The following MMD2 variants were observed in gnomAD, a reference collection of about 807,000 sequenced individuals.
The protein encoded by MMD2 is monocyte to macrophage differentiation associated 2.
MMD2 carries 30 observed loss-of-function variants against 33.5 expected under a neutral mutation model. The observed-to-expected ratio is 0.90, with a 90% confidence interval of 0.67 to 1.22. The LOEUF (loss-of-function observed/expected upper bound fraction) is 1.22, where lower values mean the gene tolerates loss of function less well. MMD2 is among the 50% of genes most tolerant of loss of function. The pLI is 0.00. For missense variants in MMD2, 364 were observed against 325.4 expected (o/e 1.12, Z -0.91); for synonymous variants, 129 against 123.0 (o/e 1.05, Z -0.32).
intron 1 of MMD2, among the ~76,000 whole-genome samples, chr7:4,943,307 C>A (rs924566155): frequency 6.6e-6 from 1 of 152,034 alleles, no homozygotes. Flanking sequence ...CCGCGCCTGG[C>A]CTTTTTTCTG....
intron 3 of MMD2, among the ~76,000 whole-genome samples, chr7:4,919,701 C>A (rs1785225803): frequency 6.6e-6 from 1 of 152,170 alleles, no homozygotes; most frequent in African/African-American, 2.4e-5. Flanking sequence ...GCCTGGCCAA[C>A]ATGGCGAAAC....
chr7:4,899,504 C>T, the MMD2 span, among the ~76,000 whole-genome samples: 3 of 151,990 alleles, frequency 2.0e-5, no homozygotes, highest in East Asian at 1.9e-4. Flanking sequence ...TCTCTTGCCT[C>T]AGCCTCCCGC....
Position 4,958,884 on chromosome 7 carries a change from G to A in MMD2, c.47+87C>T, listed in dbSNP as rs1002561324. 8 of 1,160,672 alleles carry A rather than the reference G, an allele frequency of 6.9e-6. No individual in the cohort carries two copies. In the Admixed American group the frequency reaches 1.3e-4, roughly 19 times the overall value. The allele number at this position is 1,160,672 out of a possible 1,614,324, so 71.9% of individuals were successfully genotyped here. On this transcript the variant is annotated intron_variant, in intron 1 of 6. Coordinates refer to ENST00000401401, the MANE Select transcript of MMD2 (RefSeq NM_198403.4). Reference sequence around the variant, plus strand: ...ATCCCCTCTAGCGCTCCGGGCGGCGGGGCCCGAGAACCAAGGTGGCCTCCG... The same window carrying A: ...ATCCCCTCTAGCGCTCCGGGCGGCGAGGCCCGAGAACCAAGGTGGCCTCCG...
intron 1 of MMD2, among the ~76,000 whole-genome samples, chr7:4,932,605 C>T (rs1785619997): frequency 6.7e-6 from 1 of 149,510 alleles, no homozygotes; most frequent in Non-Finnish European, 1.5e-5. Context: ...AAGGCCCTGT[C>T]CCCTGTCCTC....
rs1301326701 is a variant in MMD2, at chr7:4,909,941, A to G, written c.477T>C (p.Leu159=). 6 of 1,613,800 alleles carry G rather than the reference A, an allele frequency of 3.7e-6. No individual in the cohort carries two copies. The highest frequency in any genetic ancestry group is 5.1e-6 in the Non-Finnish European group (6 of 1,179,894). Reference sequence around the variant, plus strand: ...TTACGACGTAGCAGAGAAGCTCCACAAGCTTGTACCTGGCAGGAAGACAAG... The same window carrying G: ...TTACGACGTAGCAGAGAAGCTCCACGAGCTTGTACCTGGCAGGAAGACAAG... ...YVFFFHERYK[L]VELLCYVVMG... is the part of the protein sequence containing the mutation. Residue 159 remains leucine, a synonymous_variant, in exon 6 of 7, where the codon CTT becomes CTC. Coordinates refer to ENST00000401401, the MANE Select transcript of MMD2 (RefSeq NM_198403.4).
At chr7:4,929,336 G>A (rs916451355) in intron 1 of MMD2, among the ~76,000 whole-genome samples, 6 of 152,006 alleles carry the variant, frequency 3.9e-5, no homozygotes, top group Admixed American at 3.3e-4. Context: ...CAGCAGCCTC[G>A]CAGGGGCAGA....
In MMD2 at chr7:4,916,080, C is replaced by G; in HGVS notation, c.291-1G>C. 6.2e-7 allele frequency: 1 copy of G among 1,613,466 alleles called. No homozygotes were observed. The highest frequency in any genetic ancestry group is 1.1e-5 in the South Asian group (1 of 91,050). ...CATGTGTAGACAGTGTTCCACCATC[C>G]TAGGGCGGCAGAGAAGCCGGCAGTC... On this transcript the variant is annotated splice_acceptor_variant, in intron 3 of 6. Transcript: ENST00000401401. LOFTEE classifies it high-confidence loss of function.
At chr7:4,949,520 T>C (rs80318250) in intron 1 of MMD2, among the ~76,000 whole-genome samples, 2 of 143,070 alleles carry the variant, frequency 1.4e-5, no homozygotes, top group Non-Finnish European at 3.1e-5. Context: ...AATCTCAGTC[T>C]TTTTTTTTTT....
At chr7:4,894,526 C>T in the MMD2 span, among the ~76,000 whole-genome samples, 1 of 152,106 alleles carries the variant, frequency 6.6e-6, no homozygotes, top group Admixed American at 6.6e-5. This position sits in a 1 kb window ranked among gnomAD's most constrained non-coding sequence, Gnocchi z 4.3. Flanking sequence ...CATCAGATTC[C>T]AGTCCAATAT....
At chr7:4,944,795 T>C (rs1786009881) in intron 1 of MMD2, among the ~76,000 whole-genome samples, 1 of 134,988 alleles carries the variant, frequency 7.4e-6, no homozygotes, top group South Asian at 2.5e-4. Flanking sequence ...TGAGACAGAG[T>C]CTTGCTTTGT....
intron 1 of MMD2, among the ~76,000 whole-genome samples, chr7:4,926,880 G>A (rs948541442): frequency 6.6e-6 from 1 of 152,012 alleles, no homozygotes; most frequent in Non-Finnish European, 1.5e-5. Flanking sequence ...GAGTAGCTGG[G>A]ACTACAGGCG....
chr7:4,918,470 C>A (rs1219726860), intron 3 of MMD2, among the ~76,000 whole-genome samples: 1 of 142,914 alleles, frequency 7.0e-6, no homozygotes, highest in Non-Finnish European at 1.5e-5. Flanking sequence ...TTTTCTTTTT[C>A]TTTTCTTTCT....
chr7:4,956,445 TAATC>T (rs1272721946), intron 1 of MMD2, among the ~76,000 whole-genome samples: 2 of 151,958 alleles, frequency 1.3e-5, no homozygotes, highest in Admixed American at 6.6e-5. Flanking sequence ...AAAAATCACT[TAATC>T]AAGAAGCCTT....
At chr7:4,917,421 G>A (rs1247267284) in intron 3 of MMD2, among the ~76,000 whole-genome samples, 1 of 152,112 alleles carries the variant, frequency 6.6e-6, no homozygotes, top group East Asian at 1.9e-4. Context: ...CAGCACTTTG[G>A]GAGGCCAAGG....
chr7:4,959,121 G>A lies in MMD2; in HGVS notation c.-104C>T, dbSNP rs1024347355. On this transcript the variant is annotated 5_prime_UTR_variant, in exon 1 of 7. Coordinates refer to ENST00000401401, the MANE Select transcript of MMD2 (RefSeq NM_198403.4). Reference sequence around the variant, plus strand: ...GCAGCAGGTTGGAGGGCGCGCGGCGGGGGCCAAGGGGACCTGGTCGGCGCC... The same window carrying A: ...GCAGCAGGTTGGAGGGCGCGCGGCGAGGGCCAAGGGGACCTGGTCGGCGCC... The A allele has an allele frequency of 1.4e-5, 13 of 935,466 alleles. No homozygotes were observed. Among genetic ancestry groups the A allele is most frequent in the South Asian group, 5.4e-5 (1 of 18,492 alleles). The allele number at this position is 935,466 out of a possible 1,614,324, so 57.9% of individuals were successfully genotyped here.
intron 3 of MMD2, among the ~76,000 whole-genome samples, chr7:4,916,549 G>A (rs1303922259): frequency 2.0e-5 from 3 of 151,670 alleles, no homozygotes; most frequent in Non-Finnish European, 2.9e-5. Flanking sequence ...TGCCCAGCTA[G>A]TTTTTGTATT....
At chr7:4,916,112 C>T (rs778823262) in intron 3 of MMD2, 33 bp from the exon 4 acceptor site, 4 of 1,607,308 alleles carry the variant, frequency 2.5e-6, no homozygotes, top group South Asian at 1.1e-5. Context: ...AGTCACAGCC[C>T]CTGCACAGCA....
At position 4,931,062 on chromosome 7, in the gene MMD2, G is replaced by C. The variant is rs182551858; in HGVS notation, c.48-5530C>G. On this transcript the variant is annotated intron_variant, in intron 1 of 6. Transcript: ENST00000401401. ...GATGGGGTTTCACCATGTTGGCCAG[G>C]CTAGTCTCGAACTCCTGACCTCAGG... 3.4e-3 allele frequency among the ~76,000 whole-genome samples: 520 copies of C among 152,248 alleles called. 1 individual carries two copies. Among genetic ancestry groups the C allele is most frequent in the Non-Finnish European group, 4.3e-3 (293 of 68,032 alleles).
Position 4,911,052 on chromosome 7 carries a change from G to A in MMD2, c.467+93C>T, listed in dbSNP as rs1784993265. On this transcript the variant is annotated intron_variant, in intron 5 of 6. Coordinates refer to ENST00000401401, the MANE Select transcript of MMD2 (RefSeq NM_198403.4). ...CAGAGCTGTGCTCTCACGATTATGA[G>A]ATCATCCTGGACTCTCGGCAGCCCA... 3.7e-6 allele frequency: 4 copies of A among 1,068,376 alleles called. No individual in the cohort carries two copies. In the South Asian group the frequency reaches 5.7e-5, roughly 15 times the overall value. The allele number at this position is 1,068,376 out of a possible 1,614,324, so 66.2% of individuals were successfully genotyped here.
Sources: allele counts gnomAD v4.1 joint callset (sites outside exome capture counted in the v4.1 genomes callset), GRCh38; gene constraint gnomAD v4.1.1; non-coding constraint Gnocchi (gnomAD v3.1); transcripts MANE v1.5; gene names NCBI Gene and HGNC (gene_info 2026-07-23, HGNC 2026-07-21).